The following KCNMA1 variants were observed in gnomAD, a reference collection of about 807,000 sequenced individuals.
The protein encoded by KCNMA1 is potassium calcium-activated channel subfamily M alpha 1.
Under a neutral mutation model 140.0 loss-of-function variants are expected in KCNMA1, and 29 were observed. The observed-to-expected ratio is 0.21, with a 90% CI of 0.15 to 0.28. The LOEUF (loss-of-function observed/expected upper bound fraction) is 0.28, where lower values mean the gene tolerates loss of function less well. Among genes scored for constraint, KCNMA1 ranks in the 10% least tolerant of loss-of-function variants. The probability of loss-of-function intolerance (pLI) is 1.00; values close to 1 mark genes in which losing one functional copy is unlikely to be tolerated. For missense variants in KCNMA1, 880 were observed against 1,602.2 expected (o/e 0.55, Z 7.70); for synonymous variants, 612 against 611.9 (o/e 1.00, Z 0.00).
intron 1 of KCNMA1, among the ~76,000 whole-genome samples, chr10:77,629,155 G>T (rs958847636): frequency 2.6e-5 from 4 of 152,196 alleles, no homozygotes; most frequent in Admixed American, 6.5e-5. Context: ...TCCATTCTGG[G>T]CCTGGAGTGC....
At chr10:77,082,002 CTTTTCTTTTTTTTTTTTTTTTTTT>C (rs1270667712) in intron 12 of KCNMA1, among the ~76,000 whole-genome samples, 2,445 of 51,750 alleles carry the variant, frequency 0.047, 158 homozygotes, top group African/African-American at 0.13. Context: ...TTCTTTTTTT[CTTTTCTTTTTTTTTTTTTTTTTTT>C]TTTTTTTTTT....
intron 16 of KCNMA1, among the ~76,000 whole-genome samples, chr10:77,024,538 G>C (rs2093211029): frequency 6.6e-6 from 1 of 152,042 alleles, no homozygotes; most frequent in South Asian, 2.1e-4. Context: ...TTATTGAAAA[G>C]CTATCCTGGA....
Position 76,885,346 on chromosome 10 carries a change from G to T in KCNMA1, c.*1920C>A. The T allele has an allele frequency of 1.0e-6, 1 of 982,110 alleles. No homozygotes were observed. Among genetic ancestry groups the T allele is most frequent in the Non-Finnish European group, 1.2e-6 (1 of 827,718 alleles). 60.8% of individuals were successfully genotyped at this position (982,110 alleles called of 1,614,324 possible). A position where few individuals can be genotyped will look rare whatever the true frequency, so the allele number is the denominator to read the frequency against. Reference sequence around the variant, plus strand: ...TTTGAAAAAATTCTTCCACTCATAGGGCTTGATAATTTACATGTATACAAT... The same window carrying T: ...TTTGAAAAAATTCTTCCACTCATAGTGCTTGATAATTTACATGTATACAAT... On this transcript the variant is annotated 3_prime_UTR_variant, in exon 28 of 28. Transcript: ENST00000286628.
chr10:77,381,678 G>T, intron 2 of KCNMA1, among the ~76,000 whole-genome samples: 1 of 152,158 alleles, frequency 6.6e-6, no homozygotes, highest in East Asian at 1.9e-4. Flanking sequence ...TCCCAGCAAT[G>T]TCTCCAGTGG....
chr10:77,240,200 A>T (rs1340823279), intron 3 of KCNMA1, among the ~76,000 whole-genome samples: 1 of 152,236 alleles, frequency 6.6e-6, no homozygotes, highest in Non-Finnish European at 1.5e-5. Context: ...AAGCTCTTGC[A>T]GTTCTTAAAC....
intron 14 of KCNMA1, among the ~76,000 whole-genome samples, chr10:77,068,943 A>G (rs2096072213): frequency 6.6e-6 from 1 of 151,936 alleles, no homozygotes; most frequent in Non-Finnish European, 1.5e-5. Flanking sequence ...TAAGAATGAT[A>G]GCACAATTCA....
chr10:76,976,384 A>G (rs1176651988), intron 19 of KCNMA1, among the ~76,000 whole-genome samples: 1 of 152,212 alleles, frequency 6.6e-6, no homozygotes, highest in Non-Finnish European at 1.5e-5. Context: ...TGTAAGTTTG[A>G]GTCCATCAAC....
intron 2 of KCNMA1, among the ~76,000 whole-genome samples, chr10:77,345,190 C>T (rs1053822225): frequency 2.6e-5 from 4 of 152,144 alleles, no homozygotes; most frequent in African/African-American, 9.7e-5. Flanking sequence ...GTGTTTCCTG[C>T]CTTCTTTACC....
chr10:77,312,273 G>T (rs1304019467), intron 2 of KCNMA1, among the ~76,000 whole-genome samples: 1 of 152,250 alleles, frequency 6.6e-6, no homozygotes, highest in Non-Finnish European at 1.5e-5. Flanking sequence ...ACCAAAAGTG[G>T]AAAGAGGAGT....
At chr10:77,550,172 A>G (rs1487375816) in intron 1 of KCNMA1, among the ~76,000 whole-genome samples, 1 of 152,132 alleles carries the variant, frequency 6.6e-6, no homozygotes, top group East Asian at 1.9e-4. Context: ...AAAAGAAGAG[A>G]AGGAAGAGAC....
chr10:77,249,938 G>C (rs1327765474), intron 3 of KCNMA1: 1 of 152,126 alleles, frequency 6.6e-6, no homozygotes, highest in African/African-American at 2.4e-5. Context: ...GCCCAGCCTC[G>C]CATGTGGGGT....
chr10:76,897,011 T>TACACACACAC (rs3067677), intron 25 of KCNMA1, among the ~76,000 whole-genome samples: 1,849 of 142,784 alleles, frequency 0.013, 14 homozygotes, highest in African/African-American at 0.024. Flanking sequence ...AGGTGAAAAT[T>TACACACACAC]ACACACACAC....
intron 2 of KCNMA1, among the ~76,000 whole-genome samples, chr10:77,347,469 G>A (rs528204527): frequency 5.3e-5 from 8 of 152,332 alleles, no homozygotes; most frequent in South Asian, 2.1e-4. Flanking sequence ...GATGAGGTTC[G>A]TGTCTGTGGG....
intron 2 of KCNMA1, among the ~76,000 whole-genome samples, chr10:77,294,075 C>T (rs1194567662): frequency 1.3e-5 from 2 of 152,354 alleles, no homozygotes; most frequent in Admixed American, 6.5e-5. Context: ...ATCAAAGTCT[C>T]GACACTGTCT....
At chr10:77,391,376 C>T (rs2154443495) in intron 2 of KCNMA1, among the ~76,000 whole-genome samples, 1 of 152,290 alleles carries the variant, frequency 6.6e-6, no homozygotes, top group South Asian at 2.1e-4. Flanking sequence ...CATGTCAGCA[C>T]AAGGCCAATT....
chr10:77,630,254 G>A (rs2093023296), intron 1 of KCNMA1, among the ~76,000 whole-genome samples: 1 of 152,174 alleles, frequency 6.6e-6, no homozygotes, highest in African/African-American at 2.4e-5. Flanking sequence ...GTGCAGCCCT[G>A]GTGACACCAC....
At chr10:77,465,813 A>G (rs2097989756) in intron 1 of KCNMA1, among the ~76,000 whole-genome samples, 1 of 152,184 alleles carries the variant, frequency 6.6e-6, no homozygotes, top group Non-Finnish European at 1.5e-5. Flanking sequence ...CTTCAGCCCA[A>G]GGCTGCTCCA....
intron 2 of KCNMA1, among the ~76,000 whole-genome samples, chr10:77,320,612 T>C (rs1246306580): frequency 6.6e-6 from 1 of 152,064 alleles, no homozygotes; most frequent in Non-Finnish European, 1.5e-5. Flanking sequence ...TGCACACAGG[T>C]ATGTATTCCC....
At chr10:76,948,178 T>A (rs2064924573) in intron 22 of KCNMA1, among the ~76,000 whole-genome samples, 1 of 152,064 alleles carries the variant, frequency 6.6e-6, no homozygotes, top group Admixed American at 6.6e-5. Context: ...CTAATTTTTT[T>A]AACTTTTTGT....
Sources: gnomAD v4.1 joint callset for allele counts (sites outside exome capture counted in the v4.1 genomes callset) on GRCh38, gnomAD v4.1.1 for gene constraint, MANE v1.5 for transcripts, NCBI Gene and HGNC (gene_info 2026-07-23, HGNC 2026-07-21) for gene names.